The following RNF216 variants were observed in gnomAD, a reference collection of about 807,000 sequenced individuals.
RNF216 encodes E3 ubiquitin-protein ligase RNF216.
Under a neutral mutation model 110.8 loss-of-function variants are expected in RNF216, and 72 were observed. The ratio of observed to expected loss-of-function variants is 0.65; its 90% CI spans 0.54 to 0.79. The LOEUF (loss-of-function observed/expected upper bound fraction) is 0.79, where lower values mean the gene tolerates loss of function less well. Ranked by LOEUF, RNF216 falls within the 30% of genes least tolerant of loss-of-function variation. The pLI, the probability that RNF216 is intolerant of heterozygous loss-of-function variation, is 0.00. For synonymous variants in RNF216, 495 were observed against 407.5 expected, an observed-to-expected ratio of 1.21 and a Z score of -2.59; for missense variants, 1,342 against 1,141.2, an observed-to-expected ratio of 1.18 and a Z score of -2.54.
chr7:5,760,707 A>T (rs535448717), intron 2 of RNF216, among the ~76,000 whole-genome samples: 23 of 152,290 alleles, frequency 1.5e-4, no homozygotes, highest in African/African-American at 5.5e-4. Flanking sequence ...TATAATCACC[A>T]CGCCTTCAAA....
intron 2 of RNF216, among the ~76,000 whole-genome samples, chr7:5,753,234 A>T (rs1244314587): frequency 6.6e-6 from 1 of 152,198 alleles, no homozygotes; most frequent in African/African-American, 2.4e-5. Flanking sequence ...TTCTCATACT[A>T]GGTTGGAGAA....
intron 14 of RNF216, among the ~76,000 whole-genome samples, chr7:5,645,569 C>T (rs1335659889): frequency 6.6e-6 from 1 of 151,832 alleles, no homozygotes; most frequent in Non-Finnish European, 1.5e-5. Context: ...TTTTGGGGTA[C>T]AGAATTTCTG....
At position 5,741,436 on chromosome 7, in the gene RNF216, A is replaced by C. The variant is rs754117129; in HGVS notation, c.581T>G (p.Leu194Trp). ...TTCGGATGACTGGTTCTGAGTTTCCAAAGGATCGCTTTCTGTGTAAAGAAG... is the reference window on the plus strand; with the variant it reads ...TTCGGATGACTGGTTCTGAGTTTCCCAAGGATCGCTTTCTGTGTAAAGAAG... The part of the protein sequence containing the change: ...GSLLYTESDP[L>W]ETQNQSSEDS... The change falls in exon 4 of 17, where the codon TTG (leucine) becomes TGG (tryptophan). Residue 194 changes from leucine to tryptophan, a missense_variant. By Grantham distance (61) the Leu-to-Trp change is moderately conservative. Transcript: ENST00000389902. 6.2e-7 allele frequency: 1 copy of C among 1,614,068 alleles called. No homozygotes were observed. Among genetic ancestry groups the C allele is most frequent in the Non-Finnish European group, 8.5e-7 (1 of 1,180,040 alleles).
intron 2 of RNF216, among the ~76,000 whole-genome samples, chr7:5,754,677 C>T (rs954203537): frequency 1.3e-5 from 2 of 152,112 alleles, no homozygotes; most frequent in Non-Finnish European, 1.5e-5. Context: ...ATTGTAGATT[C>T]CTCTCTTGAA....
At chr7:5,653,529 A>C (rs1788528713) in intron 13 of RNF216, among the ~76,000 whole-genome samples, 1 of 129,798 alleles carries the variant, frequency 7.7e-6, no homozygotes, top group African/African-American at 2.9e-5. Context: ...TGAACCCGGG[A>C]GGCGGAGCTT....
At chr7:5,704,477 G>A (rs546437086) in intron 13 of RNF216, among the ~76,000 whole-genome samples, 3 of 152,248 alleles carry the variant, frequency 2.0e-5, no homozygotes, top group African/African-American at 7.2e-5. Context: ...AGGTAAAAGC[G>A]TATGCGCTAA....
chr7:5,636,485 T>C (rs566471659), intron 15 of RNF216, among the ~76,000 whole-genome samples: 23 of 152,292 alleles, frequency 1.5e-4, no homozygotes, highest in African/African-American at 5.5e-4. Flanking sequence ...TCCAAAACCA[T>C]GATGGGACAA....
At chr7:5,737,754 T>C (rs1047428592) in intron 5 of RNF216, among the ~76,000 whole-genome samples, 5 of 151,946 alleles carry the variant, frequency 3.3e-5, no homozygotes, top group African/African-American at 9.7e-5. Flanking sequence ...CAGTATAAGA[T>C]AGGAACTTTG....
In RNF216 at chr7:5,624,515, C is replaced by T. The variant is rs1244184390; in HGVS notation, c.2383-390G>A. On this transcript the variant is annotated intron_variant, in intron 15 of 16. Transcript: ENST00000389902. This position sits in a 1 kb window ranked among gnomAD's most constrained non-coding sequence, Gnocchi z 4.4. ...TTCAGATCCCAAGTCCACAAGCGCT[C>T]GGCATGGCAGCCTGTCTGCAGAGCC... is the stretch of plus-strand genomic sequence containing the variant. Among the ~76,000 whole-genome samples the T allele has an allele frequency of 2.0e-5, 3 of 152,206 alleles. No individual in the cohort carries two copies. Among genetic ancestry groups the T allele is most frequent in the Admixed American group, 6.5e-5 (1 of 15,284 alleles).
At chr7:5,720,048 G>A (rs1793318455) in intron 9 of RNF216, among the ~76,000 whole-genome samples, 1 of 152,226 alleles carries the variant, frequency 6.6e-6, no homozygotes, top group African/African-American at 2.4e-5. Context: ...AAATGTAAGT[G>A]CATGGTGGTG....
chr7:5,623,190 T>G lies in RNF216; in HGVS notation c.2453-11A>C. On this transcript the variant is annotated splice_polypyrimidine_tract_variant and intron_variant, in intron 16 of 16. Coordinates refer to ENST00000389902, the MANE Select transcript of RNF216 (RefSeq NM_207111.4). ...GTTTGAAGGTGTTCTCTGAAAGGGATGTGGGGATTAGTGGAGAAAAACATT... is the reference window on the plus strand; with the variant it reads ...GTTTGAAGGTGTTCTCTGAAAGGGAGGTGGGGATTAGTGGAGAAAAACATT... 1 of 1,537,232 alleles carries G rather than the reference T, an allele frequency of 6.5e-7. No individual in the cohort carries two copies. The highest frequency in any genetic ancestry group is 8.8e-7 in the Non-Finnish European group (1 of 1,137,154).
In RNF216 at chr7:5,680,091, A is replaced by G. The variant is rs972625039; in HGVS notation, c.2062-27581T>C. On this transcript the variant is annotated intron_variant, in intron 13 of 16. Transcript: ENST00000389902. The surrounding 1 kb of genome is among the most constrained non-coding windows in gnomAD (Gnocchi z 4.3). The stretch of plus-strand genomic sequence containing the variant: ...GACCATGGATAGACTTCCTGCTGCA[A>G]TCAGGAAGAAGTCCACGTTCTTCAC... Among the ~76,000 whole-genome samples, 4 of 152,242 alleles carry G rather than the reference A, an allele frequency of 2.6e-5. No individual in the cohort carries two copies. The highest frequency in any genetic ancestry group is 3.4e-3 in the Middle Eastern group (1 of 294).
intron 14 of RNF216, among the ~76,000 whole-genome samples, chr7:5,643,323 G>T (rs1787855074): frequency 6.6e-6 from 1 of 151,478 alleles, no homozygotes; most frequent in East Asian, 1.9e-4. Flanking sequence ...GTGAAAAATG[G>T]GGAAAAATCA....
intron 13 of RNF216, among the ~76,000 whole-genome samples, chr7:5,689,376 A>AAAAG (rs1163236699): frequency 3.3e-5 from 5 of 151,802 alleles, no homozygotes; most frequent in Non-Finnish European, 5.9e-5. Flanking sequence ...AAAAAAAAAA[A>AAAAG]AAAGAAAGAA....
Position 5,623,070 on chromosome 7 carries a change from C to A in RNF216, c.2562G>T (p.Met854Ile). The A allele has an allele frequency of 6.2e-7, 1 of 1,613,048 alleles. No individual in the cohort carries two copies. Among genetic ancestry groups the A allele is most frequent in the Non-Finnish European group, 8.5e-7 (1 of 1,179,150 alleles). Reference sequence around the variant, plus strand: ...GTGGGTGCGCGAAGGCATAGGGTGGCATCTGTGGCTGTGGCAGGTTCTGCG... The same window carrying A: ...GTGGGTGCGCGAAGGCATAGGGTGGAATCTGTGGCTGTGGCAGGTTCTGCG... Reference protein sequence around the residue: ...PVPQNLPQPQMPPYAFAHPPF... With the variant: ...PVPQNLPQPQIPPYAFAHPPF... The change falls in exon 17 of 17, where the codon ATG becomes ATT. Residue 854 changes from methionine (M) to isoleucine (I), a missense_variant. Transcript: ENST00000389902.
intron 13 of RNF216, among the ~76,000 whole-genome samples, chr7:5,661,867 G>A (rs993445496): frequency 4.6e-5 from 7 of 152,160 alleles, no homozygotes; most frequent in African/African-American, 1.4e-4. Context: ...TAATTTGGTC[G>A]AGGTCACAGA....
At chr7:5,639,154 T>TG (rs1206301807) in intron 15 of RNF216, among the ~76,000 whole-genome samples, 1 of 152,204 alleles carries the variant, frequency 6.6e-6, no homozygotes, top group African/African-American at 2.4e-5. Flanking sequence ...TTGCAGCTTC[T>TG]GGAAGCCTAA....
chr7:5,746,526 G>A (rs1332482749), intron 3 of RNF216, among the ~76,000 whole-genome samples: 1 of 152,114 alleles, frequency 6.6e-6, no homozygotes, highest in African/African-American at 2.4e-5. Flanking sequence ...GTGGGTATGT[G>A]GATTCCTTTT....
At chr7:5,716,430 A>G (rs1245501566) in intron 10 of RNF216, among the ~76,000 whole-genome samples, 1 of 152,170 alleles carries the variant, frequency 6.6e-6, no homozygotes, top group East Asian at 1.9e-4. Context: ...CGTTAACTCT[A>G]AAGTGATATC....
Sources: gnomAD v4.1 joint callset for allele counts (sites outside exome capture counted in the v4.1 genomes callset) on GRCh38, gnomAD v4.1.1 for gene constraint, Gnocchi (gnomAD v3.1) non-coding constraint, MANE v1.5 for transcripts, NCBI Gene and HGNC (gene_info 2026-07-23, HGNC 2026-07-21) for gene names.